The following ARHGEF10 variants were observed in gnomAD, a reference collection of about 807,000 sequenced individuals.
The protein encoded by ARHGEF10 is Rho guanine nucleotide exchange factor 10, also known as Rho guanine nucleotide exchange factor (GEF) 10.
A neutral mutation model predicts 147.4 loss-of-function variants in ARHGEF10; 140 were observed. The ratio of observed to expected loss-of-function variants is 0.95; its 90% confidence interval spans 0.83 to 1.09. The LOEUF is 1.09. Ranked by LOEUF, ARHGEF10 falls within the 50% of genes least tolerant of loss-of-function variation. ARHGEF10 has a pLI of 0.00. For missense variants in ARHGEF10, 2,222 were observed against 1,752.7 expected, an observed-to-expected ratio of 1.27 and a Z score of -4.78; for synonymous variants, 902 against 695.8, an observed-to-expected ratio of 1.30 and a Z score of -4.67.
chr8:1,838,495 C>T (rs1056155521), intron 1 of ARHGEF10, among the ~76,000 whole-genome samples: 1 of 152,262 alleles, frequency 6.6e-6, no homozygotes, highest in Non-Finnish European at 1.5e-5. Context: ...CAGCAGTCAG[C>T]GTCTGGTCCT....
At chr8:1,901,115 A>G (rs1810416607) in intron 15 of ARHGEF10, among the ~76,000 whole-genome samples, 1 of 151,982 alleles carries the variant, frequency 6.6e-6, no homozygotes, top group African/African-American at 2.4e-5. Flanking sequence ...CATTGTGTGG[A>G]TGTGCCTGAG....
intron 22 of ARHGEF10, among the ~76,000 whole-genome samples, chr8:1,925,944 G>A (rs1812657199): frequency 6.6e-6 from 1 of 152,194 alleles, no homozygotes; most frequent in Admixed American, 6.5e-5. Context: ...CCTGGTCTCT[G>A]GCCAGGGTTT....
intron 27 of ARHGEF10, 58 bp from the exon 28 acceptor site, chr8:1,952,647 G>T: frequency 6.2e-7 from 1 of 1,606,878 alleles, no homozygotes; most frequent in South Asian, 1.1e-5. Flanking sequence ...CCCCGTCACC[G>T]CCCCACCAAC....
At chr8:1,830,277 C>CCCGTGGGGCCCAGGCGGCTCATTTT (rs1803014630) in intron 1 of ARHGEF10, among the ~76,000 whole-genome samples, 1 of 152,108 alleles carries the variant, frequency 6.6e-6, no homozygotes, top group Non-Finnish European at 1.5e-5. Flanking sequence ...CGGCTCATTT[C>CCCGTGGGGCCCAGGCGGCTCATTTT]CCGTGGGGCC....
At chr8:1,898,060 C>T (rs1022583177) in intron 14 of ARHGEF10, among the ~76,000 whole-genome samples, 3 of 152,096 alleles carry the variant, frequency 2.0e-5, no homozygotes, top group African/African-American at 4.8e-5. Context: ...GGAGAGGAGC[C>T]GTCAGCCTCC....
chr8:1,956,662 G>A (rs1040391321), intron 28 of ARHGEF10, 87 bp from the exon 29 acceptor site: 40 of 1,450,714 alleles, frequency 2.8e-5, no homozygotes, highest in Non-Finnish European at 3.7e-5. Flanking sequence ...GGAGGAATGC[G>A]TTGGGGTTAA....
rs950858734 is a variant in ARHGEF10 at position 1,937,966 on chromosome 8, G to A, written c.3222+4024G>A. Among the ~76,000 whole-genome samples, 7 of 152,158 alleles carry A rather than the reference G, an allele frequency of 4.6e-5. No individual in the cohort carries two copies. The highest frequency in any genetic ancestry group is 1.2e-4 in the African/African-American group (5 of 41,430). ...TGGCTGGCCCCGTCCCAGCTCTGGCGCCATAACAAAGCAGCACTGGGCGAA... is the reference window on the plus strand; with the variant it reads ...TGGCTGGCCCCGTCCCAGCTCTGGCACCATAACAAAGCAGCACTGGGCGAA... On this transcript the variant is annotated intron_variant, in intron 26 of 28. Coordinates refer to ENST00000349830, the MANE Select transcript of ARHGEF10 (RefSeq NM_014629.4). This position sits in a 1 kb window ranked among gnomAD's most constrained non-coding sequence, Gnocchi z 4.9.
chr8:1,928,081 T>G (rs1812821196), intron 23 of ARHGEF10, among the ~76,000 whole-genome samples: 1 of 152,220 alleles, frequency 6.6e-6, no homozygotes, highest in African/African-American at 2.4e-5. Flanking sequence ...AGTGTTAAGT[T>G]ATTAAAATTG....
At chr8:1,914,903 T>C (rs920734945) in intron 18 of ARHGEF10, among the ~76,000 whole-genome samples, 1 of 152,198 alleles carries the variant, frequency 6.6e-6, no homozygotes, top group African/African-American at 2.4e-5. Context: ...CCACACTGAA[T>C]ACCGTGGATA....
At chr8:1,836,459 G>A (rs555692218) in intron 1 of ARHGEF10, among the ~76,000 whole-genome samples, 5 of 152,174 alleles carry the variant, frequency 3.3e-5, no homozygotes, top group Non-Finnish European at 7.3e-5. Context: ...TGAGTCACCT[G>A]TGGGGAGTTG....
intron 27 of ARHGEF10, among the ~76,000 whole-genome samples, chr8:1,949,470 T>G (rs751859205): frequency 6.6e-6 from 1 of 152,054 alleles, no homozygotes; most frequent in Non-Finnish European, 1.5e-5. Context: ...GCGCCTCAGC[T>G]TTTAGGTTGT....
At chr8:1,850,181 AGGAGGGCGTGGGGCG>A (rs1804984162) in intron 2 of ARHGEF10, among the ~76,000 whole-genome samples, 2 of 140,712 alleles carry the variant, frequency 1.4e-5, no homozygotes, top group African/African-American at 5.1e-5. Context: ...GCAAATGCTG[AGGAGGGCGTGGGGCG>A]GCCACATGGG....
intron 26 of ARHGEF10, chr8:1,943,829 G>C (rs1244997192): frequency 1.3e-5 from 2 of 151,794 alleles, no homozygotes; most frequent in African/African-American, 4.8e-5. Flanking sequence ...GCTGACTCTA[G>C]AATGGGCATT....
rs117084443 is a variant in ARHGEF10 at position 1,957,188 on chromosome 8, G to A, written c.3960G>A (p.Arg1320=). The change falls in exon 29 of 29, where the codon AGG becomes AGA. Residue 1320 remains arginine (R), a synonymous_variant. Coordinates refer to ENST00000349830, the MANE Select transcript of ARHGEF10 (RefSeq NM_014629.4). ...GGCAGGGCCACCGCCGGGTGCACAG[G>A]AAGGCCCGGCAGCCCCACCAGGAAG... The part of the protein sequence containing the change: ...CGGQGHRRVH[R]KARQPHQEEL... The A allele has an allele frequency of 3.7e-6, 6 of 1,612,360 alleles. No homozygotes were observed. Among genetic ancestry groups the A allele is most frequent in the Non-Finnish European group, 5.1e-6 (6 of 1,179,988 alleles).
chr8:1,895,641 TA>T (rs1809907465), intron 13 of ARHGEF10, among the ~76,000 whole-genome samples: 1 of 152,226 alleles, frequency 6.6e-6, no homozygotes, highest in Non-Finnish European at 1.5e-5. Flanking sequence ...CCAACATTTT[TA>T]AAAATGCAAA....
upstream of ARHGEF10, among the ~76,000 whole-genome samples, chr8:1,823,810 G>A (rs1802556486): frequency 1.3e-5 from 2 of 151,910 alleles, no homozygotes; most frequent in South Asian, 4.1e-4. Flanking sequence ...AGGAATGCGC[G>A]GGCGCGAGGG....
rs183537043 is a variant in ARHGEF10 at position 1,904,919 on chromosome 8, C to T, written c.1822-652C>T. Among the ~76,000 whole-genome samples the T allele has an allele frequency of 4.1e-4, 63 of 152,164 alleles. No individual in the cohort carries two copies. In the East Asian group the frequency reaches 9.8e-3, roughly 24 times the overall value. On this transcript the variant is annotated intron_variant, in intron 16 of 28. Transcript: ENST00000349830. ...GTGGATCACGTGAGGTCAGGAGTTCCGGACCAGCCTAACCAACATGACAAA... is the reference window on the plus strand; with the variant it reads ...GTGGATCACGTGAGGTCAGGAGTTCTGGACCAGCCTAACCAACATGACAAA...
chr8:1,918,645 C>G (rs1245145648), intron 18 of ARHGEF10, among the ~76,000 whole-genome samples: 1 of 152,140 alleles, frequency 6.6e-6, no homozygotes, highest in East Asian at 1.9e-4. Flanking sequence ...ACACACTTAC[C>G]ATTTGTTCAT....
intron 4 of ARHGEF10, among the ~76,000 whole-genome samples, chr8:1,862,775 CTTTTTTTT>C (rs10594929): frequency 3.3e-5 from 4 of 120,508 alleles, no homozygotes; most frequent in African/African-American, 1.3e-4. Context: ...TTTTCTTCTT[CTTTTTTTT>C]TTTTTTTTTT....
Sources: allele counts gnomAD v4.1 joint callset (sites outside exome capture counted in the v4.1 genomes callset), GRCh38; gene constraint gnomAD v4.1.1; non-coding constraint Gnocchi (gnomAD v3.1); transcripts MANE v1.5; gene names NCBI Gene and HGNC (gene_info 2026-07-23, HGNC 2026-07-21).